The following DBX1 variants were observed in gnomAD, a reference collection of about 807,000 sequenced individuals.
DBX1 encodes the protein homeobox protein DBX1.
A neutral mutation model predicts 20.8 loss-of-function variants in DBX1; 10 were observed. The ratio of observed to expected loss-of-function variants is 0.48; its 90% confidence interval spans 0.30 to 0.82. DBX1 has a LOEUF of 0.82. Among genes scored for constraint, DBX1 ranks in the 40% least tolerant of loss-of-function variants. The probability of loss-of-function intolerance (pLI) is 0.07; values close to 1 mark genes in which losing one functional copy is unlikely to be tolerated. For synonymous variants in DBX1, 241 were observed against 213.9 expected (o/e 1.13, Z -1.11); for missense variants, 505 against 468.8 (o/e 1.08, Z -0.71).
chr11:20,159,883 G>A (rs1395646591), intron 1 of DBX1, 75 bp downstream of exon 1: 6 of 1,606,514 alleles, frequency 3.7e-6, no homozygotes, highest in African/African-American at 2.7e-5. Context: ...CCGCTCGCTA[G>A]AGGAAACTGA....
chr11:20,156,279 A>C lies in DBX1; in HGVS notation c.967T>G (p.Ser323Ala), dbSNP rs751762434. Residue 323 changes from serine to alanine, a missense_variant, in exon 4 of 4, where the codon TCG (serine) becomes GCG (alanine). By Grantham distance (99) the Ser-to-Ala change is moderately conservative. Coordinates refer to ENST00000524983, the MANE Select transcript of DBX1 (RefSeq NM_001029865.4). The surrounding 1 kb of genome is among the most constrained non-coding windows in gnomAD (Gnocchi z 4.8). ...PAHSSSPGKP[S>A]DFSDSEEEEE... The stretch of plus-strand genomic sequence containing the variant: ...TCCTCCTCGGAATCTGAGAAGTCCG[A>C]AGGTTTCCCGGGACTGCTCGAGTGC... 1.3e-6 allele frequency: 2 copies of C among 1,529,852 alleles called. No homozygotes were observed. The highest frequency in any genetic ancestry group is 1.8e-6 in the Non-Finnish European group (2 of 1,141,346). The allele number at this position is 1,529,852 out of a possible 1,614,324, so 94.8% of individuals were successfully genotyped here.
In DBX1 at chr11:20,160,160, G is replaced by A. The variant is rs1201826032; in HGVS notation, c.165C>T (p.Pro55=). The change falls in exon 1 of 4, where the codon CCC becomes CCT. Residue 55 remains proline (P), a synonymous_variant. Coordinates refer to ENST00000524983, the MANE Select transcript of DBX1 (RefSeq NM_001029865.4). ...IRISRPPAYL[P]RSVPTASMSP... The stretch of plus-strand genomic sequence containing the variant: ...ACATGCTGGCGGTGGGCACGCTGCG[G>A]GGCAGGTAGGCGGGGGGTCGGCTGA... 3 of 1,548,588 alleles carry A rather than the reference G, an allele frequency of 1.9e-6. No homozygotes were observed. Among genetic ancestry groups the A allele is most frequent in the Non-Finnish European group, 1.7e-6 (2 of 1,146,194 alleles).
At position 20,159,132 on chromosome 11, in the gene DBX1, C is replaced by A. The variant is rs902288596; in HGVS notation, c.469+59G>T. On this transcript the variant is annotated intron_variant, in intron 2 of 3. Transcript: ENST00000524983. ...AGAAATACGGCTTCGGAGCAGGGAG[C>A]GATGGGCCGGGGCTGGGGCGCCGCC... 3.2e-5 allele frequency: 38 copies of A among 1,202,664 alleles called. No individual in the cohort carries two copies. In the South Asian group the frequency reaches 4.7e-4, roughly 15 times the overall value. The allele number at this position is 1,202,664 out of a possible 1,614,324, so 74.5% of individuals were successfully genotyped here. A position where few individuals can be genotyped will look rare whatever the true frequency, so the allele number is the denominator to read the frequency against.
rs541673912 is a variant in DBX1 at position 20,156,813 on chromosome 11, G to A, written c.672+224C>T. 3 of 770,884 alleles carry A rather than the reference G, an allele frequency of 3.9e-6. No individual in the cohort carries two copies. Among genetic ancestry groups the A allele is most frequent in the Admixed American group, 2.4e-5 (1 of 42,340 alleles). The allele number at this position is 770,884 out of a possible 1,614,324, so 47.8% of individuals were successfully genotyped here. ...GCCCCGAAGGGCGGGGTTGGGGGCC[G>A]GTGAGGCCGGGAGAGAAGGCGGGGA... On this transcript the variant is annotated intron_variant, in intron 3 of 3. Coordinates refer to ENST00000524983, the MANE Select transcript of DBX1 (RefSeq NM_001029865.4). The surrounding 1 kb of genome is among the most constrained non-coding windows in gnomAD (Gnocchi z 4.8).
chr11:20,159,998 C>T lies in DBX1; in HGVS notation c.327G>A (p.Lys109=), dbSNP rs2063681672. ...AGGAGAGGATGGCGTTCACTCCAAA[C>T]TTCAGAAACGTCGTCTCGCTGGCAG... The part of the protein sequence containing the change: ...FSPASETTFL[K]FGVNAILSSG... Residue 109 remains lysine (K), a synonymous_variant, in exon 1 of 4, where the codon AAG becomes AAA. Transcript: ENST00000524983. The T allele has an allele frequency of 6.8e-6, 11 of 1,613,728 alleles. No individual in the cohort carries two copies. Among genetic ancestry groups the T allele is most frequent in the East Asian group, 2.2e-5 (1 of 44,872 alleles).
intron 1 of DBX1, among the ~76,000 whole-genome samples, chr11:20,159,652 G>C (rs1051478766): frequency 3.3e-5 from 5 of 151,920 alleles, no homozygotes; most frequent in African/African-American, 1.2e-4. Context: ...TCTCCTAGAA[G>C]CTCGAAGGCA....
Position 20,157,197 on chromosome 11 carries a change from G to C in DBX1, c.512C>G (p.Pro171Arg), listed in dbSNP as rs1341867280. 2 of 1,596,514 alleles carry C rather than the reference G, an allele frequency of 1.3e-6. No homozygotes were observed. Among genetic ancestry groups the C allele is most frequent in the Non-Finnish European group, 1.7e-6 (2 of 1,172,568 alleles). The change falls in exon 3 of 4, where the codon CCG (proline) becomes CGG (arginine). Residue 171 changes from proline to arginine, a missense_variant. By Grantham distance (103) the Pro-to-Arg change is moderately radical. Transcript: ENST00000524983. ...CCGAGGCTTCCCGCGCGCGGCCAGC[G>C]GCCAGGAGAAGGTCCCGGGGATGGG... ...VVPIPGTFSW[P>R]LAARGKPRRG...
intron 2 of DBX1, among the ~76,000 whole-genome samples, chr11:20,158,953 A>T (rs899745605): frequency 6.6e-6 from 1 of 152,272 alleles, no homozygotes; most frequent in Non-Finnish European, 1.5e-5. Flanking sequence ...TGGGACCATG[A>T]CAATTCCTGC....
Position 20,160,053 on chromosome 11 carries a change from C to A in DBX1, c.272G>T (p.Arg91Leu). The change falls in exon 1 of 4, where the codon CGG becomes CTG. Residue 91 changes from arginine (R) to leucine (L), a missense_variant. By Grantham distance (102) the Arg-to-Leu change is moderately radical. Coordinates refer to ENST00000524983, the MANE Select transcript of DBX1 (RefSeq NM_001029865.4). Reference sequence around the variant, plus strand: ...GAAGGCAGTCGGCGGAGAGCCGCCCCGTCGGCTGCCGGGACCCGGGGAGCC... The same window carrying A: ...GAAGGCAGTCGGCGGAGAGCCGCCCAGTCGGCTGCCGGGACCCGGGGAGCC... ...DLGSPGPGSR[R>L]GGSPPTAFSP... The A allele has an allele frequency of 1.3e-6, 2 of 1,583,190 alleles. No individual in the cohort carries two copies. Among genetic ancestry groups the A allele is most frequent in the Non-Finnish European group, 1.7e-6 (2 of 1,165,042 alleles).
chr11:20,156,577 G>A lies in DBX1; in HGVS notation c.673-4C>T. The A allele has an allele frequency of 6.2e-7, 1 of 1,614,002 alleles. No individual in the cohort carries two copies. Among genetic ancestry groups the A allele is most frequent in the East Asian group, 2.2e-5 (1 of 44,874 alleles). ...GGTTCTGGAACCAGATTTTCACCTG[G>A]AATGTCCCGGCCGGCGAGAAGAAGG... On this transcript the variant is annotated splice_polypyrimidine_tract_variant and splice_region_variant and intron_variant, in intron 3 of 3. Transcript: ENST00000524983. This position sits in a 1 kb window ranked among gnomAD's most constrained non-coding sequence, Gnocchi z 4.8.
chr11:20,157,867 G>C lies in DBX1; in HGVS notation c.470-628C>G, dbSNP rs184245501. Among the ~76,000 whole-genome samples the C allele has an allele frequency of 2.8e-4, 42 of 152,160 alleles. No individual in the cohort carries two copies. The East Asian group carries it at 7.2e-3, about 26-fold the overall frequency. On this transcript the variant is annotated intron_variant, in intron 2 of 3. Coordinates refer to ENST00000524983, the MANE Select transcript of DBX1 (RefSeq NM_001029865.4). The stretch of plus-strand genomic sequence containing the variant: ...GGTATTGGTATGATAAAAGGGGGGA[G>C]AGTTTTGCTTTAAGCGAAAGAAAAA...
Position 20,157,189 on chromosome 11 carries a change from C to T in DBX1, c.520G>A (p.Ala174Thr). 1 of 1,598,058 alleles carries T rather than the reference C, an allele frequency of 6.3e-7. No individual in the cohort carries two copies. The highest frequency in any genetic ancestry group is 1.3e-5 in the African/African-American group (1 of 74,828). Reference sequence around the variant, plus strand: ...ATGCCCCGCCGAGGCTTCCCGCGCGCGGCCAGCGGCCAGGAGAAGGTCCCG... The same window carrying T: ...ATGCCCCGCCGAGGCTTCCCGCGCGTGGCCAGCGGCCAGGAGAAGGTCCCG... ...IPGTFSWPLA[A>T]RGKPRRGMLR... is the part of the protein sequence containing the mutation. The change falls in exon 3 of 4, where the codon GCG becomes ACG. Residue 174 changes from alanine (A) to threonine (T), a missense_variant. Coordinates refer to ENST00000524983, the MANE Select transcript of DBX1 (RefSeq NM_001029865.4).
rs1346964646 is a variant in DBX1, at chr11:20,158,803, G to GC, written c.469+387dup. Among the ~76,000 whole-genome samples, 186 of 152,158 alleles carry GC rather than the reference G, an allele frequency of 1.2e-3. 1 individual carries two copies. Among genetic ancestry groups the GC allele is most frequent in the Non-Finnish European group, 3.8e-4 (26 of 67,998 alleles). ...AGGGACTAGGGCCGGTCTGTGTGTG[G>GC]CTGCCCGGAGGAGCTGACCAATTGG... On this transcript the variant is annotated intron_variant, in intron 2 of 3. Coordinates refer to ENST00000524983, the MANE Select transcript of DBX1 (RefSeq NM_001029865.4).
rs747897477 is a variant in DBX1 at position 20,160,301 on chromosome 11, C to A, written c.24G>T (p.Ala8=). The change falls in exon 1 of 4, where the codon GCG becomes GCT. Residue 8 remains alanine (A), a synonymous_variant. Transcript: ENST00000524983. MMFPGLL[A]PPAGYPSLLR... is the part of the protein sequence containing the mutation. ...GGAGGCTAGGGTACCCGGCGGGGGGCGCGAGGAGGCCGGGGAACATCATGG... is the reference window on the plus strand; with the variant it reads ...GGAGGCTAGGGTACCCGGCGGGGGGAGCGAGGAGGCCGGGGAACATCATGG... 1.2e-5 allele frequency: 18 copies of A among 1,524,710 alleles called. No individual in the cohort carries two copies. Among genetic ancestry groups the A allele is most frequent in the Non-Finnish European group, 1.5e-5 (17 of 1,138,012 alleles). The allele number at this position is 1,524,710 out of a possible 1,614,324, so 94.4% of individuals were successfully genotyped here.
At chr11:20,158,237 T>TGGC (rs2063670274) in intron 2 of DBX1, among the ~76,000 whole-genome samples, 1 of 65,714 alleles carries the variant, frequency 1.5e-5, no homozygotes, top group South Asian at 6.5e-4. Context: ...GTGGTGGTGG[T>TGGC]GGTGCTGGGG....
rs1349580515 is a variant in DBX1, at chr11:20,156,293, C to G, written c.953G>C (p.Ser318Thr). 6.5e-7 allele frequency: 1 copy of G among 1,543,440 alleles called. No individual in the cohort carries two copies. The highest frequency in any genetic ancestry group is 8.7e-7 in the Non-Finnish European group (1 of 1,146,582). The part of the protein sequence containing the change: ...PLPPSPAHSS[S>T]PGKPSDFSDS... Reference sequence around the variant, plus strand: ...TGAGAAGTCCGAAGGTTTCCCGGGACTGCTCGAGTGCGCGGGCGAGGGGGG... The same window carrying G: ...TGAGAAGTCCGAAGGTTTCCCGGGAGTGCTCGAGTGCGCGGGCGAGGGGGG... The change falls in exon 4 of 4, where the codon AGT (serine) becomes ACT (threonine). Residue 318 changes from serine to threonine, a missense_variant. Transcript: ENST00000524983. The surrounding 1 kb of genome is among the most constrained non-coding windows in gnomAD (Gnocchi z 4.8).
In DBX1 at chr11:20,156,509, G is replaced by A. The variant is rs780340433; in HGVS notation, c.737C>T (p.Ser246Phe). 7 of 1,613,992 alleles carry A rather than the reference G, an allele frequency of 4.3e-6. No individual in the cohort carries two copies. Among genetic ancestry groups the A allele is most frequent in the Non-Finnish European group, 5.9e-6 (7 of 1,180,028 alleles). Residue 246 changes from serine (S) to phenylalanine (F), a missense_variant, in exon 4 of 4, where the codon TCT becomes TTT. Physicochemically the swap from Ser to Phe is radical, Grantham distance 155. Coordinates refer to ENST00000524983, the MANE Select transcript of DBX1 (RefSeq NM_001029865.4). This position sits in a 1 kb window ranked among gnomAD's most constrained non-coding sequence, Gnocchi z 4.8. ...GGTCTGCTCGCGACAGCCCCCGCTA[G>A]ACAGGAGTTCGCGCTCCTTGGAGTT... ...WRNSKERELL[S>F]SGGCREQTLP...
chr11:20,156,379 C>T lies in DBX1; in HGVS notation c.867G>A (p.Leu289=), dbSNP rs1164229047. 2 of 1,608,138 alleles carry T rather than the reference C, an allele frequency of 1.2e-6. No individual in the cohort carries two copies. The highest frequency in any genetic ancestry group is 1.1e-5 in the South Asian group (1 of 90,898). The part of the protein sequence containing the change: ...EEGPGSPSHR[L]AYHASSDPQH... ...GGGGGTCGGAGGACGCGTGGTAGGCCAGGCGGTGGCTGGGGCTGCCCGGGC... is the reference window on the plus strand; with the variant it reads ...GGGGGTCGGAGGACGCGTGGTAGGCTAGGCGGTGGCTGGGGCTGCCCGGGC... The change falls in exon 4 of 4, where the codon CTG becomes CTA. Residue 289 remains leucine, a synonymous_variant. Transcript: ENST00000524983. The surrounding 1 kb of genome is among the most constrained non-coding windows in gnomAD (Gnocchi z 4.8).
chr11:20,156,677 C>T lies in DBX1; in HGVS notation c.673-104G>A, dbSNP rs377678387. On this transcript the variant is annotated intron_variant, in intron 3 of 3. Coordinates refer to ENST00000524983, the MANE Select transcript of DBX1 (RefSeq NM_001029865.4). This position sits in a 1 kb window ranked among gnomAD's most constrained non-coding sequence, Gnocchi z 4.8. ...AGTGGAGTCGGGTGCAGGCTCTGTC[C>T]TTCGGGCTGTGTCCTCTCCCCACCC... The T allele has an allele frequency of 1.2e-4, 180 of 1,534,466 alleles. No individual in the cohort carries two copies. The African/African-American group carries it at 2.1e-3, about 18-fold the overall frequency.
Sources: gnomAD v4.1 joint callset for allele counts (sites outside exome capture counted in the v4.1 genomes callset) on GRCh38, gnomAD v4.1.1 for gene constraint, Gnocchi (gnomAD v3.1) non-coding constraint, MANE v1.5 for transcripts, NCBI Gene and HGNC (gene_info 2026-07-23, HGNC 2026-07-21) for gene names.